The following SLC16A10 variants were observed in gnomAD, a reference collection of about 807,000 sequenced individuals.
SLC16A10 encodes the protein monocarboxylate transporter 10.
Under a neutral mutation model 40.0 loss-of-function variants are expected in SLC16A10, and 27 were observed. That is an observed-to-expected ratio of 0.67 (90% confidence interval 0.50 to 0.93). SLC16A10 has a LOEUF of 0.93. Ranked by LOEUF, SLC16A10 falls within the 40% of genes least tolerant of loss-of-function variation. The pLI, the probability that SLC16A10 is intolerant of heterozygous loss-of-function variation, is 0.00. For synonymous variants in SLC16A10, 213 were observed against 249.8 expected (o/e 0.85, Z 1.39); for missense variants, 529 against 658.2 (o/e 0.80, Z 2.15).
At chr6:111,091,691 T>C (rs921958723) in intron 1 of SLC16A10, among the ~76,000 whole-genome samples, 3 of 152,206 alleles carry the variant, frequency 2.0e-5, no homozygotes, top group Non-Finnish European at 4.4e-5. Flanking sequence ...TTTCTTAGGC[T>C]CACTTCTCTT....
At chr6:111,127,455 G>T (rs981799069) in intron 1 of SLC16A10, among the ~76,000 whole-genome samples, 1 of 152,190 alleles carries the variant, frequency 6.6e-6, no homozygotes, top group African/African-American at 2.4e-5. Flanking sequence ...TGTAGGGTTT[G>T]TAGGCCAGGG....
At chr6:111,170,428 A>G (rs1350792367) in intron 1 of SLC16A10, among the ~76,000 whole-genome samples, 1 of 152,224 alleles carries the variant, frequency 6.6e-6, no homozygotes, top group Non-Finnish European at 1.5e-5. Context: ...ATTTTCTTCT[A>G]GCCTGCCTAG....
chr6:111,221,410 A>G (rs1048810591), intron 5 of SLC16A10, among the ~76,000 whole-genome samples: 2 of 152,278 alleles, frequency 1.3e-5, no homozygotes, highest in East Asian at 1.9e-4. Context: ...TTATGATGTT[A>G]AATAGTTTTC....
chr6:111,102,172 G>T (rs909370029), intron 1 of SLC16A10, among the ~76,000 whole-genome samples: 7 of 151,956 alleles, frequency 4.6e-5, no homozygotes, highest in African/African-American at 1.7e-4. Context: ...CCCCTCTCTT[G>T]GATTGCTTCC....
intron 4 of SLC16A10, among the ~76,000 whole-genome samples, chr6:111,218,259 A>G (rs1393716663): frequency 6.6e-6 from 1 of 152,102 alleles, no homozygotes; most frequent in Non-Finnish European, 1.5e-5. Flanking sequence ...AGGGATTTGC[A>G]GGCTGGGAGG....
At chr6:111,096,579 C>T (rs1771078614) in intron 1 of SLC16A10, among the ~76,000 whole-genome samples, 1 of 152,132 alleles carries the variant, frequency 6.6e-6, no homozygotes, top group Admixed American at 6.5e-5. Context: ...TATGATCATA[C>T]CTCTTTGTTA....
chr6:111,144,864 A>T lies in SLC16A10; in HGVS notation c.344-27831A>T, dbSNP rs540500102. Among the ~76,000 whole-genome samples, 8 of 152,212 alleles carry T rather than the reference A, an allele frequency of 5.3e-5. No homozygotes were observed. In the East Asian group the frequency reaches 7.8e-4, roughly 15 times the overall value. On this transcript the variant is annotated intron_variant, in intron 1 of 5. Coordinates refer to ENST00000368851, the MANE Select transcript of SLC16A10 (RefSeq NM_018593.5). ...AACATTCTTTCTTTCTTTTTTCCTG[A>T]GACGGAGTCTCCCTGTATCACCTAG...
At chr6:111,193,683 G>A (rs1230750532) in intron 3 of SLC16A10, among the ~76,000 whole-genome samples, 1 of 152,156 alleles carries the variant, frequency 6.6e-6, no homozygotes, top group East Asian at 1.9e-4. Flanking sequence ...TAATTGAATA[G>A]TAGTTTTTAG....
At chr6:111,091,932 A>G (rs1770982553) in intron 1 of SLC16A10, among the ~76,000 whole-genome samples, 1 of 152,222 alleles carries the variant, frequency 6.6e-6, no homozygotes, top group Non-Finnish European at 1.5e-5. Flanking sequence ...AAAGTAGCTT[A>G]GGATCTGTTG....
At position 111,087,805 on chromosome 6, in the gene SLC16A10, A is replaced by G. The variant is rs905764178; in HGVS notation, c.53A>G (p.Gln18Arg). Residue 18 changes from glutamine to arginine, a missense_variant, in exon 1 of 6, where the codon CAG (glutamine) becomes CGG (arginine). Transcript: ENST00000368851. ...PDSARGTSEA[Q>R]PLGPAPTGAA... ...TCCGCGCGGGGCACGAGCGAGGCGC[A>G]GCCGCTCGGCCCCGCGCCCACGGGG... 1.8e-5 allele frequency: 22 copies of G among 1,245,120 alleles called. No individual in the cohort carries two copies. The African/African-American group carries it at 2.6e-4, about 15-fold the overall frequency. The allele number at this position is 1,245,120 out of a possible 1,614,324, so 77.1% of individuals were successfully genotyped here.
chr6:111,088,124 C>G (rs762800285), intron 1 of SLC16A10, 29 bp downstream of exon 1: 2 of 1,583,918 alleles, frequency 1.3e-6, no homozygotes, highest in Admixed American at 1.8e-5. Flanking sequence ...CGAGGCCAGC[C>G]TGGGCGACCC....
At position 111,101,679 on chromosome 6, in the gene SLC16A10, A is replaced by G. The variant is rs151220723; in HGVS notation, c.343+13584A>G. Among the ~76,000 whole-genome samples, 6 of 152,244 alleles carry G rather than the reference A, an allele frequency of 3.9e-5. 1 individual carries two copies. Among genetic ancestry groups the G allele is most frequent in the Non-Finnish European group, 7.4e-5 (5 of 68,010 alleles). On this transcript the variant is annotated intron_variant, in intron 1 of 5. Coordinates refer to ENST00000368851, the MANE Select transcript of SLC16A10 (RefSeq NM_018593.5). ...GCTGTGTTGCTCAGGCTGGAGTGCC[A>G]TGGCACGATCACGGCTCACTGCAAC...
At position 111,172,704 on chromosome 6, in the gene SLC16A10, G is replaced by A. The variant is rs1193906495; in HGVS notation, c.353G>A (p.Gly118Asp). The A allele has an allele frequency of 6.2e-7, 1 of 1,613,790 alleles. No individual in the cohort carries two copies. The highest frequency in any genetic ancestry group is 1.7e-5 in the Admixed American group (1 of 60,004). Residue 118 changes from glycine (G) to aspartate (D), a missense_variant, in exon 2 of 6, where the codon GGT becomes GAT. Transcript: ENST00000368851. ...TTCCCTTCTTTTACAGCATGGGTAG[G>A]TTCTCTCTCCATGGGGATGATTTTC... ...DKMVFKTAWV[G>D]SLSMGMIFFC...
intron 3 of SLC16A10, among the ~76,000 whole-genome samples, chr6:111,192,613 A>G (rs1379861377): frequency 6.6e-6 from 1 of 152,126 alleles, no homozygotes; most frequent in Admixed American, 6.6e-5. Context: ...ATCTGTTCTC[A>G]TGCTGCTAAT....
At chr6:111,159,980 T>C (rs1227856605) in intron 1 of SLC16A10, among the ~76,000 whole-genome samples, 1 of 152,170 alleles carries the variant, frequency 6.6e-6, no homozygotes, top group African/African-American at 2.4e-5. Flanking sequence ...AGTTGCTTGG[T>C]TTTTATTGAG....
chr6:111,204,703 G>A (rs12207199), intron 3 of SLC16A10, among the ~76,000 whole-genome samples: 15,456 of 152,174 alleles, frequency 0.1, 1,035 homozygotes, highest in Middle Eastern at 0.18. Flanking sequence ...TTAGACTTTT[G>A]TAGAGCTGGA....
chr6:111,169,838 A>G (rs1772549201), intron 1 of SLC16A10, among the ~76,000 whole-genome samples: 2 of 152,072 alleles, frequency 1.3e-5, no homozygotes. Context: ...GTAATTTTTA[A>G]TATTTGGTAT....
intron 1 of SLC16A10, among the ~76,000 whole-genome samples, chr6:111,130,949 C>T (rs577148023): frequency 1.3e-5 from 2 of 152,314 alleles, no homozygotes; most frequent in Non-Finnish European, 2.9e-5. Flanking sequence ...CTAATTATGC[C>T]ATCATAGGGT....
chr6:111,189,460 A>G (rs984933373), intron 3 of SLC16A10, among the ~76,000 whole-genome samples: 11 of 152,238 alleles, frequency 7.2e-5, no homozygotes, highest in Non-Finnish European at 1.2e-4. Context: ...AAATCTGCAT[A>G]TCAAAAATGA....
Sources: allele counts gnomAD v4.1 joint callset (sites outside exome capture counted in the v4.1 genomes callset), GRCh38; gene constraint gnomAD v4.1.1; transcripts MANE v1.5; gene names NCBI Gene and HGNC (gene_info 2026-07-23, HGNC 2026-07-21).